The following PLEKHG5 variants were observed in gnomAD, a reference collection of about 807,000 sequenced individuals.
PLEKHG5 encodes pleckstrin homology domain-containing family G member 5.
PLEKHG5 carries 52 observed loss-of-function variants against 103.8 expected under a neutral mutation model. The ratio of observed to expected loss-of-function variants is 0.50; its 90% confidence interval spans 0.40 to 0.63. The LOEUF (loss-of-function observed/expected upper bound fraction) is 0.63. Ranked by LOEUF, PLEKHG5 falls within the 30% of genes least tolerant of loss-of-function variation. The pLI is 0.00. For synonymous variants in PLEKHG5, 592 were observed against 575.5 expected (o/e 1.03, Z -0.41); for missense variants, 1,205 against 1,347.6 (o/e 0.89, Z 1.66).
At chr1:6,471,212 G>A in intron 12 of PLEKHG5, 112 bp from the exon 13 acceptor site, 1 of 906,730 alleles carries the variant, frequency 1.1e-6, no homozygotes, top group East Asian at 2.6e-5. Flanking sequence ...ACCACCCCAA[G>A]GGGGCAGCAA....
At chr1:6,475,803 C>T (rs566951296) in intron 3 of PLEKHG5, 128 bp downstream of exon 3, 4 of 871,148 alleles carry the variant, frequency 4.6e-6, no homozygotes, top group Admixed American at 3.6e-5. Flanking sequence ...CAGCCACAGG[C>T]GTGGGAAGAG....
intron 1 of PLEKHG5, among the ~76,000 whole-genome samples, chr1:6,511,759 A>T (rs913454184): frequency 4.6e-5 from 7 of 152,200 alleles, no homozygotes; most frequent in Non-Finnish European, 1.0e-4. Context: ...AGGCTGCCTG[A>T]CTGCAGCCCC....
intron 4 of PLEKHG5, 92 bp from the exon 5 acceptor site, chr1:6,475,230 AACCCTCCTCCCC>A (rs1557748544): frequency 2.2e-5 from 6 of 269,818 alleles, no homozygotes; most frequent in Admixed American, 7.7e-5. Flanking sequence ...CCTCCTTCCC[AACCCTCCTCCCC>A]ACCCTCCTTC....
Position 6,487,702 on chromosome 1 carries a change from C to A in PLEKHG5, c.-88+3935G>T, listed in dbSNP as rs758205544. 1.3e-5 allele frequency among the ~76,000 whole-genome samples: 2 copies of A among 152,250 alleles called. No individual in the cohort carries two copies. The highest frequency in any genetic ancestry group is 2.9e-5 in the Non-Finnish European group (2 of 68,042). On this transcript the variant is annotated intron_variant, in intron 1 of 20. Transcript: ENST00000377728. This position sits in a 1 kb window ranked among gnomAD's most constrained non-coding sequence, Gnocchi z 4.1. ...TAAACCACCCTTACCCTCCCACTCT[C>A]AATTCCTTTAAGTTAAATTATTTCC...
At chr1:6,481,524 AAAATAAATAAATAAAT>A (rs199883420) in intron 1 of PLEKHG5, among the ~76,000 whole-genome samples, 34,643 of 144,030 alleles carry the variant, frequency 0.24, 5,987 homozygotes, top group African/African-American at 0.49. Flanking sequence ...ACTCCGTCTC[AAAATAAATAAATAAAT>A]AAATAAATAA....
At chr1:6,497,344 C>T (rs1299881045), upstream of PLEKHG5, 7 of 1,034,740 alleles carry the variant, frequency 6.8e-6, no homozygotes, top group East Asian at 2.2e-4. The surrounding 1 kb of genome is among the most constrained non-coding windows in gnomAD (Gnocchi z 6.1). Context: ...CCGTGCCGCG[C>T]GGGGGGCGGG....
intron 1 of PLEKHG5, among the ~76,000 whole-genome samples, chr1:6,481,801 T>C (rs568178038): frequency 1.8e-3 from 272 of 151,472 alleles, no homozygotes; most frequent in Non-Finnish European, 2.6e-3. Context: ...GAGGCAGAGG[T>C]TGCAGTGAGC....
rs768995193 is a variant in PLEKHG5 at position 6,468,272 on chromosome 1, G to A, written c.2564C>T (p.Ser855Leu). 114 of 1,607,120 alleles carry A rather than the reference G, an allele frequency of 7.1e-5. No individual in the cohort carries two copies. Among genetic ancestry groups the A allele is most frequent in the Non-Finnish European group, 9.1e-5 (107 of 1,175,992 alleles). ...AGGGGTGCGGCGGCGGAGACGGGGCGAGGGTGGAGGGGAAGGAACTCGTGG... is the reference window on the plus strand; with the variant it reads ...AGGGGTGCGGCGGCGGAGACGGGGCAAGGGTGGAGGGGAAGGAACTCGTGG... ...ESPRVPSPPPSPRLRRRTPVQ... is the reference protein window; with the variant it reads ...ESPRVPSPPPLPRLRRRTPVQ... The change falls in exon 20 of 21, where the codon TCG becomes TTG. Residue 855 changes from serine to leucine, a missense_variant. By Grantham distance (145) the Ser-to-Leu change is moderately radical (BLOSUM62 -2). Transcript: ENST00000377728.
intron 1 of PLEKHG5, chr1:6,485,403 G>C: frequency 7.3e-7 from 1 of 1,368,950 alleles, no homozygotes. Flanking sequence ...GCCCGGCCTG[G>C]AGGCTGCTAG....
At position 6,505,722 on chromosome 1, in the gene PLEKHG5, G is replaced by T. The variant is rs1638298247; in HGVS notation, c.-164-9153C>A. ...CACCATGGCCTGATCTTGCGGGCGG[G>T]GTGAGAGCAGAGGCAGAGGCCAGGC... On this transcript the variant is annotated intron_variant, in intron 1 of 21. Coordinates refer to the PLEKHG5 transcript ENST00000377740. This position sits in a 1 kb window ranked among gnomAD's most constrained non-coding sequence, Gnocchi z 4.2. Among the ~76,000 whole-genome samples the T allele has an allele frequency of 6.6e-6, 1 of 152,258 alleles. No individual in the cohort carries two copies. Among genetic ancestry groups the T allele is most frequent in the South Asian group, 2.1e-4 (1 of 4,834 alleles).
rs1239823243 is a variant in PLEKHG5 at position 6,468,307 on chromosome 1, G to A, written c.2529C>T (p.Ala843=). The A allele has an allele frequency of 6.2e-7, 1 of 1,609,766 alleles. No homozygotes were observed. Among genetic ancestry groups the A allele is most frequent in the Non-Finnish European group, 8.5e-7 (1 of 1,178,536 alleles). The change falls in exon 20 of 21, where the codon GCC becomes GCT. Residue 843 remains alanine, a synonymous_variant. Coordinates refer to ENST00000377728, the MANE Select transcript of PLEKHG5 (RefSeq NM_020631.6). ...GGGAAGGAACTCGTGGGGACTCTGG[G>A]GCCCGAGGCACTAGCTCTGCCATTG... ...PGPMAELVPR[A]PESPRVPSPP... is the part of the protein sequence containing the mutation.
intron 1 of PLEKHG5, among the ~76,000 whole-genome samples, chr1:6,481,701 A>G (rs1375438296): frequency 2.0e-5 from 3 of 151,106 alleles, no homozygotes; most frequent in East Asian, 2.0e-4. Context: ...CGTCTCTACT[A>G]AAAACACAAA....
upstream of PLEKHG5, among the ~76,000 whole-genome samples, chr1:6,495,364 C>G (rs1645209168): frequency 6.6e-6 from 1 of 152,238 alleles, no homozygotes; most frequent in African/African-American, 2.4e-5. Flanking sequence ...TGTTCCCTCA[C>G]CACGGCCCTC....
upstream of PLEKHG5, among the ~76,000 whole-genome samples, chr1:6,493,530 C>A (rs1316272336): frequency 6.6e-6 from 1 of 152,164 alleles, no homozygotes; most frequent in African/African-American, 2.4e-5. Context: ...CCTTACAAGT[C>A]ATGTGGTCAT....
At chr1:6,472,174 G>A (rs910141601) in intron 10 of PLEKHG5, among the ~76,000 whole-genome samples, 1 of 152,148 alleles carries the variant, frequency 6.6e-6, no homozygotes, top group Non-Finnish European at 1.5e-5. Flanking sequence ...CCCAGGGTAG[G>A]TGCTCCCCTC....
At chr1:6,472,694 C>T (rs1412698276) in intron 9 of PLEKHG5, 72 bp from the exon 10 acceptor site, 11 of 1,046,752 alleles carry the variant, frequency 1.1e-5, no homozygotes, top group Non-Finnish European at 1.6e-5. Flanking sequence ...GATAAGCAAC[C>T]TGCATGCAAC....
At position 6,469,738 on chromosome 1, in the gene PLEKHG5, C is replaced by A. The variant is rs1644512185; in HGVS notation, c.1801-62G>T. On this transcript the variant is annotated intron_variant, in intron 16 of 20. Coordinates refer to ENST00000377728, the MANE Select transcript of PLEKHG5 (RefSeq NM_020631.6). ...GCAGGGTCAGGGCCAGGGACTGTGG[C>A]ACCAGCCTCCCCTGGGAGCACTCGG... is the stretch of plus-strand genomic sequence containing the variant. The A allele has an allele frequency of 2.6e-6, 4 of 1,560,120 alleles. No individual in the cohort carries two copies. In the East Asian group the frequency reaches 6.8e-5, roughly 26 times the overall value.
At chr1:6,510,078 G>A (rs547484294) in intron 1 of PLEKHG5, among the ~76,000 whole-genome samples, 9 of 152,292 alleles carry the variant, frequency 5.9e-5, no homozygotes, top group East Asian at 1.9e-4. Flanking sequence ...GCGTGCATGC[G>A]GGGCCGCCAT....
At chr1:6,485,341 G>A (rs1421917296) in intron 1 of PLEKHG5, 4 of 1,427,798 alleles carry the variant, frequency 2.8e-6, no homozygotes, top group African/African-American at 3.0e-5. Flanking sequence ...TCACCGTCGC[G>A]GGCACGACCC....
Sources: gnomAD v4.1 joint callset for allele counts (sites outside exome capture counted in the v4.1 genomes callset) on GRCh38, gnomAD v4.1.1 for gene constraint, Gnocchi (gnomAD v3.1) non-coding constraint, MANE v1.5 for transcripts, NCBI Gene and HGNC (gene_info 2026-07-23, HGNC 2026-07-21) for gene names.